The following MICAL2 variants were observed in gnomAD, a reference collection of about 807,000 sequenced individuals.
The protein encoded by MICAL2 is microtubule associated monooxygenase, calponin and LIM domain containing 2, also known as [F-actin]-monooxygenase MICAL2.
MICAL2 carries 77 observed loss-of-function variants against 127.3 expected under a neutral mutation model. The observed-to-expected ratio is 0.60, with a 90% confidence interval of 0.50 to 0.73. The LOEUF (loss-of-function observed/expected upper bound fraction) is 0.73. Among genes scored for constraint, MICAL2 ranks in the 30% least tolerant of loss-of-function variants. The probability of loss-of-function intolerance (pLI) is 0.00; values close to 1 mark genes in which losing one functional copy is unlikely to be tolerated. For synonymous variants in MICAL2, 570 were observed against 551.1 expected (o/e 1.03, Z -0.48); for missense variants, 1,351 against 1,434.4 (o/e 0.94, Z 0.94).
At chr11:12,336,944 G>C (rs1011702454) in intron 32 of MICAL2, among the ~76,000 whole-genome samples, 6 of 152,102 alleles carry the variant, frequency 3.9e-5, no homozygotes, top group African/African-American at 1.4e-4. Context: ...CCAGGCTTTG[G>C]TATCAGGATG....
chr11:12,350,319 C>A (rs944600550), intron 33 of MICAL2, among the ~76,000 whole-genome samples: 1 of 152,124 alleles, frequency 6.6e-6, no homozygotes, highest in Admixed American at 6.6e-5. Context: ...CAGTGACATA[C>A]CCCTGACCAC....
intron 7 of MICAL2, 99 bp downstream of exon 7, chr11:12,213,509 C>G: frequency 8.2e-7 from 1 of 1,219,858 alleles, no homozygotes; most frequent in Non-Finnish European, 1.1e-6. Context: ...TCTTGGGCCT[C>G]GAGGGACTCA....
rs371086988 is a variant in MICAL2, at chr11:12,224,596, G to T, written c.1541-77G>T. ...CTCGTCCTGGTCCCCAGCCATGGTG[G>T]CAATGAGAAGGGAGCGCCAGGGCAG... is the stretch of plus-strand genomic sequence containing the variant. On this transcript the variant is annotated intron_variant, in intron 12 of 27. Coordinates refer to ENST00000683283, the MANE Select transcript of MICAL2 (RefSeq NM_001282663.2). 42 of 1,548,602 alleles carry T rather than the reference G, an allele frequency of 2.7e-5. No individual in the cohort carries two copies. The African/African-American group carries it at 5.4e-4, about 20-fold the overall frequency.
At chr11:12,233,231 C>T (rs535245895) in intron 15 of MICAL2, among the ~76,000 whole-genome samples, 7 of 152,314 alleles carry the variant, frequency 4.6e-5, no homozygotes, top group African/African-American at 1.4e-4. Flanking sequence ...TATAAGATCC[C>T]TTCTTATAGT....
In MICAL2 at chr11:12,304,040, CAAAT is replaced by C. The variant is rs1292234552; in HGVS notation, c.5212+9191_5212+9194del. 2.0e-5 allele frequency among the ~76,000 whole-genome samples: 3 copies of C among 152,026 alleles called. No homozygotes were observed. In the East Asian group the frequency reaches 5.8e-4, roughly 29 times the overall value. Reference sequence around the variant, plus strand: ...CCAATACTGGTCACAAACAAATAAACAAATAAATAAAAAGTTGAAATGATATGAT... The same window carrying C: ...CCAATACTGGTCACAAACAAATAAACAAATAAAAAGTTGAAATGATATGAT... On this transcript the variant is annotated intron_variant, in intron 29 of 34. Coordinates refer to the MICAL2 transcript ENST00000646065.
chr11:12,213,753 A>T (rs1413642043), intron 7 of MICAL2, among the ~76,000 whole-genome samples: 1 of 152,202 alleles, frequency 6.6e-6, no homozygotes, highest in African/African-American at 2.4e-5. Context: ...TGTATAAACC[A>T]TCCTAAGGCA....
chr11:12,334,659 G>A (rs1938716154), intron 32 of MICAL2, among the ~76,000 whole-genome samples: 1 of 131,610 alleles, frequency 7.6e-6, no homozygotes, highest in Non-Finnish European at 1.5e-5. Flanking sequence ...CTGTGTCCAT[G>A]TGTTCTCATT....
chr11:12,351,919 A>C (rs1939052881), intron 33 of MICAL2, among the ~76,000 whole-genome samples: 1 of 151,752 alleles, frequency 6.6e-6, no homozygotes, highest in Non-Finnish European at 1.5e-5. Context: ...GCCTCCCAAG[A>C]AGCTGGGACT....
rs564734958 is a variant in MICAL2 at position 12,325,100 on chromosome 11, GT to G, written c.5421+1036del. On this transcript the variant is annotated intron_variant, in intron 31 of 34. Transcript: ENST00000646065. ...TCTGAGACTTTCATCCTTAGTTGTT[GT>G]TTTTTGTTTTTTGGTTTTTTATTTT... Among the ~76,000 whole-genome samples the G allele has an allele frequency of 4.6e-5, 7 of 151,974 alleles. No homozygotes were observed. In the South Asian group the frequency reaches 1.2e-3, roughly 27 times the overall value.
chr11:12,199,242 T>A (rs2134085874), intron 3 of MICAL2, among the ~76,000 whole-genome samples: 1 of 152,286 alleles, frequency 6.6e-6, no homozygotes, highest in East Asian at 1.9e-4. Flanking sequence ...AACACTTTCA[T>A]AGGGTAGTTG....
At chr11:12,236,632 C>T (rs945075613) in intron 16 of MICAL2, among the ~76,000 whole-genome samples, 7 of 152,218 alleles carry the variant, frequency 4.6e-5, no homozygotes, top group African/African-American at 9.7e-5. Context: ...TCCCAATCAT[C>T]GTTTGTATCC....
intron 2 of MICAL2, among the ~76,000 whole-genome samples, chr11:12,151,842 G>C (rs1024924569): frequency 6.6e-6 from 1 of 152,176 alleles, no homozygotes; most frequent in Non-Finnish European, 1.5e-5. Flanking sequence ...GGTCCAGCTG[G>C]TGGTGAGCTA....
intron 2 of MICAL2, among the ~76,000 whole-genome samples, chr11:12,139,171 G>A (rs941722961): frequency 6.6e-5 from 10 of 152,128 alleles, no homozygotes; most frequent in African/African-American, 9.7e-5. Flanking sequence ...GAATGGAAAC[G>A]CAGGCCCTGG....
At chr11:12,358,533 T>G, downstream of MICAL2, 1 of 1,543,134 alleles carries the variant, frequency 6.5e-7, no homozygotes, top group South Asian at 1.1e-5. Context: ...TCAGGCCAAG[T>G]GCACCACACA....
At chr11:12,329,839 A>G (rs1864394377) in intron 32 of MICAL2, among the ~76,000 whole-genome samples, 1 of 149,242 alleles carries the variant, frequency 6.7e-6, no homozygotes, top group African/African-American at 2.5e-5. Flanking sequence ...CATCTTCTGA[A>G]AATCTTCCTC....
In MICAL2 at chr11:12,241,083, C is replaced by T. The variant is rs766018212; in HGVS notation, c.2258C>T (p.Ser753Phe). 6.8e-6 allele frequency: 11 copies of T among 1,614,198 alleles called. No individual in the cohort carries two copies. The highest frequency in any genetic ancestry group is 9.3e-6 in the Non-Finnish European group (11 of 1,180,044). The change falls in exon 18 of 28, where the codon TCC becomes TTC. Residue 753 changes from serine to phenylalanine, a missense_variant. Ser to Phe is a radical substitution (Grantham distance 155). Coordinates refer to ENST00000683283, the MANE Select transcript of MICAL2 (RefSeq NM_001282663.2). ...ATAGGTAAGCCGGTCCTGTGCTCTT[C>T]CTCCGGCCCTCCTGTTCACTCTTGC... is the stretch of plus-strand genomic sequence containing the variant. ...SGIGKPVLCS[S>F]SGPPVHSCCP...
At chr11:12,297,424 A>G (rs542652715) in intron 29 of MICAL2, among the ~76,000 whole-genome samples, 63 of 152,118 alleles carry the variant, frequency 4.1e-4, no homozygotes, top group African/African-American at 1.5e-3. Flanking sequence ...GGGAAATTTA[A>G]CCCTTTTTTG....
downstream of MICAL2, chr11:12,294,767 C>A: frequency 6.2e-7 from 1 of 1,611,686 alleles, no homozygotes; most frequent in Non-Finnish European, 8.5e-7. Context: ...GCTGCTGCAG[C>A]CTTTCAAAAG....
At chr11:12,296,385 C>T (rs1355754010), downstream of MICAL2, among the ~76,000 whole-genome samples, 1 of 151,474 alleles carries the variant, frequency 6.6e-6, no homozygotes, top group East Asian at 1.9e-4. Flanking sequence ...ACTTTATTTT[C>T]AACCAGGTTC....
Sources: gnomAD v4.1 joint callset for allele counts (sites outside exome capture counted in the v4.1 genomes callset) on GRCh38, gnomAD v4.1.1 for gene constraint, MANE v1.5 for transcripts, NCBI Gene and HGNC (gene_info 2026-07-23, HGNC 2026-07-21) for gene names.